Variants in RIPOR2 observed in about 807,000 individuals in gnomAD.
RIPOR2 encodes the protein rho family-interacting cell polarization regulator 2.
A neutral mutation model predicts 114.5 loss-of-function variants in RIPOR2; 39 were observed. The ratio of observed to expected loss-of-function variants is 0.34; its 90% CI spans 0.26 to 0.44. The LOEUF is 0.44. RIPOR2 is among the 20% of genes least tolerant of loss of function. The pLI is 1.00. For missense variants in RIPOR2, 1,007 were observed against 1,255.1 expected (o/e 0.80, Z 2.99); for synonymous variants, 445 against 484.4 (o/e 0.92, Z 1.07).
chr6:24,919,104 C>T (rs1288925371), intron 1 of RIPOR2, among the ~76,000 whole-genome samples: 1 of 152,238 alleles, frequency 6.6e-6, no homozygotes, highest in Non-Finnish European at 1.5e-5. Flanking sequence ...GCTCAACCCA[C>T]AAAGCCTTCT....
At chr6:24,989,302 T>TG (rs1774680989) in intron 1 of RIPOR2, among the ~76,000 whole-genome samples, 1 of 51,904 alleles carries the variant, frequency 1.9e-5, no homozygotes, top group Admixed American at 1.6e-4. Flanking sequence ...TGTCTTTTTC[T>TG]TTTTTTTTTT....
At chr6:24,839,601 T>G in intron 13 of RIPOR2, 2 of 1,537,964 alleles carry the variant, frequency 1.3e-6, no homozygotes, top group Non-Finnish European at 1.8e-6. Flanking sequence ...TCTCTACTTC[T>G]GTTTGAAATT....
At chr6:25,017,507 C>CAG (rs1279341380) in intron 1 of RIPOR2, among the ~76,000 whole-genome samples, 5 of 152,182 alleles carry the variant, frequency 3.3e-5, no homozygotes, top group Non-Finnish European at 7.3e-5. Flanking sequence ...GGTATGTATT[C>CAG]AAATCAACCC....
At chr6:24,806,515 G>A (rs773105127) in intron 21 of RIPOR2, 42 bp from the exon 22 acceptor site, 89 of 1,375,000 alleles carry the variant, frequency 6.5e-5, no homozygotes, top group Non-Finnish European at 8.3e-5. Context: ...TTCAAACAAC[G>A]TTTTTATTAA....
chr6:25,013,793 T>C (rs1184936044), intron 1 of RIPOR2, among the ~76,000 whole-genome samples: 1 of 152,152 alleles, frequency 6.6e-6, no homozygotes, highest in Non-Finnish European at 1.5e-5. Flanking sequence ...GGAGTTCCTG[T>C]AGTTCAGTCT....
At chr6:24,932,345 T>C (rs1007927430) in intron 1 of RIPOR2, among the ~76,000 whole-genome samples, 3 of 147,432 alleles carry the variant, frequency 2.0e-5, no homozygotes, top group South Asian at 2.2e-4. Flanking sequence ...TGTGTGTGTA[T>C]GAGAGAGAGA....
At chr6:25,038,478 T>C (rs898598431) in intron 1 of RIPOR2, among the ~76,000 whole-genome samples, 3 of 152,244 alleles carry the variant, frequency 2.0e-5, no homozygotes, top group African/African-American at 7.2e-5. Flanking sequence ...CCTAATCAGG[T>C]GAGCCCTTTA....
At chr6:24,974,259 A>C (rs1773929156) in intron 1 of RIPOR2, among the ~76,000 whole-genome samples, 1 of 152,052 alleles carries the variant, frequency 6.6e-6, no homozygotes, top group Non-Finnish European at 1.5e-5. Context: ...GGTGGTGAGC[A>C]CCTGTGGTCC....
chr6:24,902,587 G>A (rs1768586839), intron 1 of RIPOR2, among the ~76,000 whole-genome samples: 1 of 152,098 alleles, frequency 6.6e-6, no homozygotes, highest in Admixed American at 6.5e-5. Flanking sequence ...AGTAAGGTTT[G>A]CACTACCTAT....
intron 1 of RIPOR2, among the ~76,000 whole-genome samples, chr6:25,040,226 C>T (rs1777407578): frequency 2.6e-5 from 4 of 151,970 alleles, no homozygotes; most frequent in African/African-American, 9.7e-5. Flanking sequence ...AGCGATTCTC[C>T]AGTCTCAGCC....
chr6:24,976,817 T>G, intron 1 of RIPOR2: 1 of 1,611,096 alleles, frequency 6.2e-7, no homozygotes, highest in Non-Finnish European at 8.5e-7. Flanking sequence ...TGGTTCCCAG[T>G]TTTTCATCTG....
At chr6:24,955,515 C>T (rs1053868602) in intron 1 of RIPOR2, among the ~76,000 whole-genome samples, 1 of 150,932 alleles carries the variant, frequency 6.6e-6, no homozygotes, top group Non-Finnish European at 1.5e-5. Flanking sequence ...ATTCCTCCCC[C>T]CACTATTTCA....
At chr6:24,967,321 T>C (rs127489) in intron 1 of RIPOR2, among the ~76,000 whole-genome samples, 97,983 of 152,102 alleles carry the variant, frequency 0.64, 33,680 homozygotes, top group Non-Finnish European at 0.78. Context: ...AGAAGAAGCA[T>C]GTTGGGGGAA....
intron 1 of RIPOR2, among the ~76,000 whole-genome samples, chr6:25,002,961 C>T (rs1320307224): frequency 6.6e-6 from 1 of 152,238 alleles, no homozygotes; most frequent in African/African-American, 2.4e-5. Flanking sequence ...TGATTTAAGA[C>T]AAGTTCATAA....
At chr6:24,925,590 T>G (rs7770880) in intron 1 of RIPOR2, among the ~76,000 whole-genome samples, 97 of 152,070 alleles carry the variant, frequency 6.4e-4, no homozygotes, top group African/African-American at 2.0e-3. Flanking sequence ...TAATCCCAAC[T>G]ACTCAGGAGG....
intron 1 of RIPOR2, among the ~76,000 whole-genome samples, chr6:24,972,832 C>G (rs747886129): frequency 6.6e-6 from 1 of 152,124 alleles, no homozygotes; most frequent in Non-Finnish European, 1.5e-5. Flanking sequence ...AGCTTTTTCA[C>G]CCTTGAAAAA....
intron 1 of RIPOR2, among the ~76,000 whole-genome samples, chr6:24,949,719 C>G (rs1227279925): frequency 6.6e-6 from 1 of 152,188 alleles, no homozygotes; most frequent in Admixed American, 6.5e-5. Flanking sequence ...TCACTAGCCA[C>G]CCTGAGGTGA....
intron 1 of RIPOR2, among the ~76,000 whole-genome samples, chr6:24,942,827 G>T (rs654491): frequency 0.014 from 2,118 of 152,240 alleles, 56 homozygotes; most frequent in African/African-American, 0.047. Context: ...TCTGTCAGAT[G>T]AGTAGGTTGC....
rs372222800 is a variant in RIPOR2, at chr6:24,899,988, GA to G, written c.62-24172del. Among the ~76,000 whole-genome samples, 799 of 152,312 alleles carry G rather than the reference GA, an allele frequency of 5.2e-3. 16 individuals carry two copies. Among genetic ancestry groups the G allele is most frequent in the African/African-American group, 0.017 (718 of 41,580 alleles). On this transcript the variant is annotated intron_variant, in intron 1 of 21. Transcript: ENST00000643898. ...AATGAACCTTTCAGATGGAGGATGT[GA>G]AAAATCTTCTTCTTGATTATAATAG...
Sources: gnomAD v4.1 joint callset for allele counts (sites outside exome capture counted in the v4.1 genomes callset) on GRCh38, gnomAD v4.1.1 for gene constraint, MANE v1.5 for transcripts, NCBI Gene and HGNC (gene_info 2026-07-23, HGNC 2026-07-21) for gene names.